TONSL: variants seen among roughly 807,000 people sequenced by gnomAD.
TONSL encodes the protein tonsoku-like protein.
TONSL carries 112 observed loss-of-function variants against 147.1 expected under a neutral mutation model. The observed-to-expected ratio is 0.76, with a 90% CI of 0.65 to 0.89. The LOEUF is 0.89. Among genes scored for constraint, TONSL ranks in the 40% least tolerant of loss-of-function variants. The pLI, the probability that TONSL is intolerant of heterozygous loss-of-function variation, is 0.00. For missense variants in TONSL, 1,883 were observed against 1,864.6 expected, an observed-to-expected ratio of 1.01 and a Z score of -0.18; for synonymous variants, 868 against 801.5, an observed-to-expected ratio of 1.08 and a Z score of -1.40.
At position 144,438,558 on chromosome 8, in the gene TONSL, C is replaced by T. The variant is rs1823566450; in HGVS notation, c.1566G>A (p.Trp522Ter). 1 of 1,613,200 alleles carries T rather than the reference C, an allele frequency of 6.2e-7. No homozygotes were observed. Among genetic ancestry groups the T allele is most frequent in the Non-Finnish European group, 8.5e-7 (1 of 1,179,926 alleles). The change falls in exon 13 of 26, where the codon TGG becomes TGA. Residue 522 changes from tryptophan to a stop codon, truncating the protein, a stop_gained and splice_region_variant. Transcript: ENST00000409379. LOFTEE classifies it high-confidence loss of function. Reference sequence around the variant, plus strand: ...TCTCCCCCATGTCGTTTCGCCGGTTCCACTGTGGGCACAGCCAACCCAGCA... The same window carrying T: ...TCTCCCCCATGTCGTTTCGCCGGTTTCACTGTGGGCACAGCCAACCCAGCA... ...GHLGRRKGSK[W>*]NRRNDMGETL...
rs1554879361 is a variant in TONSL at position 144,434,142 on chromosome 8, G to A, written c.3223C>T (p.Leu1075=). The A allele has an allele frequency of 3.1e-6, 5 of 1,611,572 alleles. No individual in the cohort carries two copies. The highest frequency in any genetic ancestry group is 1.7e-5 in the Admixed American group (1 of 59,896). Reference sequence around the variant, plus strand: ...CCCAGCCGGTTCCCTGCCAGGCGCAGCTCCCGGAGTGCTGTGTGCAGCTTG... The same window carrying A: ...CCCAGCCGGTTCCCTGCCAGGCGCAACTCCCGGAGTGCTGTGTGCAGCTTG... The part of the protein sequence containing the change: ...ALKLHTALRE[L]RLAGNRLGDK... The change falls in exon 21 of 26, where the codon CTG becomes TTG. Residue 1075 remains leucine, a synonymous_variant. Transcript: ENST00000409379.
Position 144,438,697 on chromosome 8 carries a change from C to T in TONSL, c.1519G>A (p.Asp507Asn). 1 of 1,613,304 alleles carries T rather than the reference C, an allele frequency of 6.2e-7. No individual in the cohort carries two copies. The highest frequency in any genetic ancestry group is 8.5e-7 in the Non-Finnish European group (1 of 1,179,968). ...TDGLTPQLEEDEELQGHLGRR... is the reference protein window; with the variant it reads ...TDGLTPQLEENEELQGHLGRR... ...CCCAGGTGGCCCTGAAGCTCCTCGTCCTCCTCCAGCTGCGGGGTCAGGCCA... is the reference window on the plus strand; with the variant it reads ...CCCAGGTGGCCCTGAAGCTCCTCGTTCTCCTCCAGCTGCGGGGTCAGGCCA... The change falls in exon 12 of 26, where the codon GAC becomes AAC. Residue 507 changes from aspartate (D) to asparagine (N), a missense_variant. By Grantham distance (23) the Asp-to-Asn change is conservative. Transcript: ENST00000409379.
In TONSL at chr8:144,444,279, T is replaced by G; in HGVS notation, c.26-4A>C. ...TTGGCTTTCGCCTTGCTCAGCTCTG[T>G]GGGAGGAAGAGGAGGGCTGGGCCTC... On this transcript the variant is annotated splice_polypyrimidine_tract_variant and splice_region_variant and intron_variant, in intron 1 of 25. Coordinates refer to ENST00000409379, the MANE Select transcript of TONSL (RefSeq NM_013432.5). 7.0e-7 allele frequency: 1 copy of G among 1,423,118 alleles called. No individual in the cohort carries two copies. The highest frequency in any genetic ancestry group is 9.2e-7 in the Non-Finnish European group (1 of 1,086,298). The allele number at this position is 1,423,118 out of a possible 1,614,324, so 88.2% of individuals were successfully genotyped here.
intron 4 of TONSL, 157 bp downstream of exon 4, chr8:144,442,981 G>C (rs1823777121): frequency 8.1e-7 from 1 of 1,229,148 alleles, no homozygotes; most frequent in East Asian, 2.6e-5. Context: ...ACGATCTCCA[G>C]GGGAAAGGTT....
At chr8:144,438,296 C>T (rs1245184215) in intron 13 of TONSL, 175 bp downstream of exon 13, 2 of 642,632 alleles carry the variant, frequency 3.1e-6, no homozygotes, top group East Asian at 5.5e-5. Context: ...CAATCTCCCT[C>T]CCAGGATGAA....
At chr8:144,431,189 T>C in intron 23 of TONSL, 38 bp from the exon 24 acceptor site, 1 of 1,604,792 alleles carries the variant, frequency 6.2e-7, no homozygotes, top group Non-Finnish European at 8.5e-7. Context: ...CCAAACGGAG[T>C]GGCGCACCTG....
rs1300548987 is a variant in TONSL, at chr8:144,429,035, C to G, written c.*108G>C. On this transcript the variant is annotated 3_prime_UTR_variant, in exon 26 of 26. Coordinates refer to ENST00000409379, the MANE Select transcript of TONSL (RefSeq NM_013432.5). ...CGATCTCCTGACCTCGTGATCCGCC[C>G]GCCTGGGCCTCCCAAAGTGTTGGGA... The G allele has an allele frequency of 8.6e-6, 11 of 1,284,914 alleles. No individual in the cohort carries two copies. The African/African-American group carries it at 1.6e-4, about 18-fold the overall frequency. 79.6% of individuals were successfully genotyped at this position (1,284,914 alleles called of 1,614,324 possible). A position where few individuals can be genotyped will look rare whatever the true frequency, so the allele number is the denominator to read the frequency against.
chr8:144,442,904 C>T (rs975106111), intron 4 of TONSL, 98 bp from the exon 5 acceptor site: 2 of 1,452,220 alleles, frequency 1.4e-6, no homozygotes, highest in Admixed American at 5.2e-5. Context: ...TCTCCTACCC[C>T]CTCCCTCCTC....
rs769815593 is a variant in TONSL, at chr8:144,442,716, A to C, written c.539T>G (p.Leu180Arg). The C allele has an allele frequency of 3.7e-6, 6 of 1,613,002 alleles. No individual in the cohort carries two copies. In the Admixed American group the frequency reaches 6.7e-5, roughly 18 times the overall value. The change falls in exon 5 of 26, where the codon CTG becomes CGG. Residue 180 changes from leucine to arginine, a missense_variant. Leu to Arg is a moderately radical substitution (Grantham distance 102). Transcript: ENST00000409379. Reference protein sequence around the residue: ...LTFESLQQTALCNDYFRKSIF... With the variant: ...LTFESLQQTARCNDYFRKSIF... ...GCTCTTCCTGAAGTAATCGTTGCAC[A>C]GGGCTGTCTGCTGCAGGCTCTCAAA...
intron 5 of TONSL, 131 bp downstream of exon 5, chr8:144,442,546 G>A: frequency 4.0e-6 from 6 of 1,486,646 alleles, no homozygotes; most frequent in Non-Finnish European, 5.4e-6. Context: ...GTGTGGCACA[G>A]GTGTGAGAGG....
At chr8:144,433,951 A>C (rs1554879303) in intron 21 of TONSL, 27 bp downstream of exon 21, 2 of 1,537,230 alleles carry the variant, frequency 1.3e-6, no homozygotes, top group Non-Finnish European at 1.8e-6. Context: ...CCCGCTGTTG[A>C]GGGCCTGCTG....
At chr8:144,443,070 G>C (rs1402095175) in intron 4 of TONSL, 68 bp downstream of exon 4, 1 of 1,501,202 alleles carries the variant, frequency 6.7e-7, no homozygotes, top group Non-Finnish European at 9.0e-7. Flanking sequence ...GGAGGCTGCG[G>C]GGGTGCTGGG....
Position 144,443,159 on chromosome 8 carries a change from T to TA in TONSL, c.426dup (p.Ile143TyrfsTer4), listed in dbSNP as rs1413972802. On this transcript the variant is annotated frameshift_variant, in exon 4 of 26. Coordinates refer to ENST00000409379, the MANE Select transcript of TONSL (RefSeq NM_013432.5). LOFTEE classifies it high-confidence loss of function. ...CCACCCTCCAGCTCCTCATCCACAA[T>TA]AGCCAAGCTCTTCTCAAAGGCAGCC... is the stretch of plus-strand genomic sequence containing the variant. 6.4e-7 allele frequency: 1 copy of TA among 1,550,408 alleles called. No homozygotes were observed. Among genetic ancestry groups the TA allele is most frequent in the Non-Finnish European group, 8.7e-7 (1 of 1,146,904 alleles).
At chr8:144,437,207 C>A in intron 13 of TONSL, 108 bp from the exon 14 acceptor site, 2 of 1,118,770 alleles carry the variant, frequency 1.8e-6, no homozygotes, top group South Asian at 1.3e-5. Flanking sequence ...TCTTAGAGCC[C>A]AGAGCAAGTC....
Position 144,429,340 on chromosome 8 carries a change from C to T in TONSL, c.3944-4G>A, listed in dbSNP as rs1823071163. The T allele has an allele frequency of 1.2e-5, 17 of 1,430,518 alleles. No homozygotes were observed. The highest frequency in any genetic ancestry group is 1.6e-5 in the Non-Finnish European group (17 of 1,089,202). The allele number at this position is 1,430,518 out of a possible 1,614,324, so 88.6% of individuals were successfully genotyped here. ...AGGGGACCCTGGACGGCGCAGCCTGCGGAGGGGAAGAGGGCAGACCTCAGC... is the reference window on the plus strand; with the variant it reads ...AGGGGACCCTGGACGGCGCAGCCTGTGGAGGGGAAGAGGGCAGACCTCAGC... On this transcript the variant is annotated splice_polypyrimidine_tract_variant and splice_region_variant and intron_variant, in intron 25 of 25. Coordinates refer to ENST00000409379, the MANE Select transcript of TONSL (RefSeq NM_013432.5).
intron 19 of TONSL, 58 bp from the exon 20 acceptor site, chr8:144,434,947 C>G: frequency 1.2e-6 from 2 of 1,611,794 alleles, no homozygotes; most frequent in Non-Finnish European, 8.5e-7. Flanking sequence ...CATCATTGCT[C>G]TGCAGCCATG....
At position 144,430,517 on chromosome 8, in the gene TONSL, G is replaced by C; in HGVS notation, c.3830C>G (p.Ser1277Ter). The C allele has an allele frequency of 6.2e-7, 1 of 1,612,316 alleles. No individual in the cohort carries two copies. Among genetic ancestry groups the C allele is most frequent in the Non-Finnish European group, 8.5e-7 (1 of 1,179,296 alleles). Residue 1277 changes from serine (S) to a stop codon, truncating the protein, a stop_gained, in exon 25 of 26, where the codon TCA becomes TGA. Transcript: ENST00000409379. LOFTEE classifies it high-confidence loss of function. The part of the protein sequence containing the change: ...DLCRCLSLCP[S>*]LISLDLSANP... ...GGCAGACAGATCCAGTGAGATGAGT[G>C]AGGGGCACAGAGAGAGACATCTGAG...
Position 144,444,425 on chromosome 8 carries a change from C to T in TONSL, c.-11G>A, listed in dbSNP as rs1823832327. 1.6e-6 allele frequency: 2 copies of T among 1,232,472 alleles called. No individual in the cohort carries two copies. Among genetic ancestry groups the T allele is most frequent in the East Asian group, 6.4e-5 (2 of 31,364 alleles). The allele number at this position is 1,232,472 out of a possible 1,614,324, so 76.3% of individuals were successfully genotyped here. ...GCGCTCCAGGCTCATGCTCGGATCG[C>T]CGCGGGATCCGGACTTCCCGCGCTG... On this transcript the variant is annotated 5_prime_UTR_variant, in exon 1 of 26. Coordinates refer to ENST00000409379, the MANE Select transcript of TONSL (RefSeq NM_013432.5).
At chr8:144,443,086 G>A in intron 4 of TONSL, 52 bp downstream of exon 4, 1 of 1,526,346 alleles carries the variant, frequency 6.6e-7, no homozygotes, top group Non-Finnish European at 8.8e-7. Flanking sequence ...CTGGGCTGCA[G>A]CCTCTTCGGC....
Sources: gnomAD v4.1 joint callset for allele counts on GRCh38, gnomAD v4.1.1 for gene constraint, MANE v1.5 for transcripts, NCBI Gene and HGNC (gene_info 2026-07-23, HGNC 2026-07-21) for gene names.